The following OR56A4 variants were observed in gnomAD, a reference collection of about 807,000 sequenced individuals.
OR56A4 encodes olfactory receptor 56A4.
A neutral mutation model predicts 13.6 loss-of-function variants in OR56A4; 9 were observed. The observed-to-expected ratio is 0.66, with a 90% CI of 0.40 to 1.15. The LOEUF is 1.15. Among genes scored for constraint, OR56A4 ranks in the 50% most tolerant of loss-of-function variants. The pLI, the probability that OR56A4 is intolerant of heterozygous loss-of-function variation, is 0.01. For missense variants in OR56A4, 380 were observed against 375.9 expected (o/e 1.01, Z -0.09); for synonymous variants, 167 against 153.9 (o/e 1.08, Z -0.63).
chr11:6,001,775 G>T lies in OR56A4; in HGVS notation c.*276C>A. 2.9e-6 allele frequency: 1 copy of T among 347,608 alleles called. No homozygotes were observed. The highest frequency in any genetic ancestry group is 5.1e-6 in the Non-Finnish European group (1 of 194,348). 21.5% of individuals were successfully genotyped at this position (347,608 alleles called of 1,614,324 possible). ...CTTCCATTCTAATACAGCTCCATTT[G>T]TCAAAGTCTTGGCAAGATTCTTTGT... On this transcript the variant is annotated 3_prime_UTR_variant, in exon 3 of 3. Transcript: ENST00000641156.
chr11:6,004,229 G>A (rs942157028), intron 2 of OR56A4, among the ~76,000 whole-genome samples: 2 of 152,166 alleles, frequency 1.3e-5, no homozygotes, highest in Non-Finnish European at 2.9e-5. Flanking sequence ...GTGCATGCCT[G>A]TAATCCCAGC....
At chr11:6,005,075 A>G (rs1487952128) in intron 2 of OR56A4, among the ~76,000 whole-genome samples, 9 of 152,246 alleles carry the variant, frequency 5.9e-5, no homozygotes, top group African/African-American at 2.2e-4. Context: ...ACAAATGACA[A>G]TTCTGGCTCT....
At position 5,999,583 on chromosome 11, in the gene OR56A4, G is replaced by A. The variant is rs1260008346; in HGVS notation, c.*2468C>T. On this transcript the variant is annotated 3_prime_UTR_variant, in exon 3 of 3. Coordinates refer to ENST00000641156, the MANE Select transcript of OR56A4 (RefSeq NM_001005179.4). Reference sequence around the variant, plus strand: ...ATCCTAATGGTCTTCACTATATAAAGGTTCATTTTGTGCTGGCTAAAAATA... The same window carrying A: ...ATCCTAATGGTCTTCACTATATAAAAGTTCATTTTGTGCTGGCTAAAAATA... 1 of 152,032 alleles carries A rather than the reference G, an allele frequency of 6.6e-6. No homozygotes were observed. Among genetic ancestry groups the A allele is most frequent in the South Asian group, 2.1e-4 (1 of 4,818 alleles). The allele number at this position is 152,032 out of a possible 1,614,324, so 9.4% of individuals were successfully genotyped here.
rs779879633 is a variant in OR56A4 at position 6,002,368 on chromosome 11, G to C, written c.625C>G (p.Leu209Val). The C allele has an allele frequency of 4.3e-6, 7 of 1,614,178 alleles. No homozygotes were observed. The East Asian group carries it at 1.6e-4, about 36-fold the overall frequency. ...ATAAGGATAAGATCAGAGCCCAACA[G>C]AGTCCAGCCTGCCACAAACTGGTAG... ...QLYQFVAGWT[L>V]LGSDLILIVI... The change falls in exon 3 of 3, where the codon CTG becomes GTG. Residue 209 changes from leucine to valine, a missense_variant. Transcript: ENST00000641156.
intron 2 of OR56A4, among the ~76,000 whole-genome samples, chr11:6,004,278 TG>T (rs903174203): frequency 6.6e-5 from 10 of 151,852 alleles, no homozygotes; most frequent in Non-Finnish European, 8.8e-5. Flanking sequence ...GAACCAGACC[TG>T]GGGGGCGGAG....
rs773549192 is a variant in OR56A4, at chr11:6,002,394, A to G, written c.599T>C (p.Leu200Pro). 1.5e-5 allele frequency: 25 copies of G among 1,614,260 alleles called. No homozygotes were observed. In the South Asian group the frequency reaches 2.6e-4, roughly 17 times the overall value. The change falls in exon 3 of 3, where the codon CTC becomes CCC. Residue 200 changes from leucine to proline, a missense_variant. Physicochemically the swap from Leu to Pro is moderately conservative, Grantham distance 98 (BLOSUM62 -3). Transcript: ENST00000641156. The stretch of plus-strand genomic sequence containing the variant: ...AGTCCAGCCTGCCACAAACTGGTAG[A>G]GCTGATTGAAAGTGATGTCATCACA... ...LSCDDITFNQLYQFVAGWTLL... is the reference protein window; with the variant it reads ...LSCDDITFNQPYQFVAGWTLL...
In OR56A4 at chr11:6,002,090, C is replaced by G. The variant is rs539213705; in HGVS notation, c.903G>C (p.Glu301Asp). ...GCAGGTTTTGGATTCCCTGCTTGAT[C>G]TCCTTGGTTCTCACACCATAAACAA... ...NPIVYGVRTK[E>D]IKQGIQNLLK... The change falls in exon 3 of 3, where the codon GAG becomes GAC. Residue 301 changes from glutamate (E) to aspartate (D), a missense_variant. Coordinates refer to ENST00000641156, the MANE Select transcript of OR56A4 (RefSeq NM_001005179.4). 10 of 1,603,988 alleles carry G rather than the reference C, an allele frequency of 6.2e-6. No homozygotes were observed. In the African/African-American group the frequency reaches 6.7e-5, roughly 11 times the overall value.
At chr11:6,004,466 G>A (rs543253589) in intron 2 of OR56A4, among the ~76,000 whole-genome samples, 1 of 152,336 alleles carries the variant, frequency 6.6e-6, no homozygotes, top group South Asian at 2.1e-4. Context: ...GGATTGAGGT[G>A]TGCATGAGAA....
In OR56A4 at chr11:6,001,573, G is replaced by T. The variant is rs150659958; in HGVS notation, c.*478C>A. On this transcript the variant is annotated 3_prime_UTR_variant, in exon 3 of 3. Transcript: ENST00000641156. ...AGGGCAAGGCACTCAACCCCAAGTT[G>T]TTCCAGGGTGGACATCTGGACTTAA... The T allele has an allele frequency of 3.7e-3, 577 of 154,266 alleles. 1 individual carries two copies. The highest frequency in any genetic ancestry group is 6.3e-3 in the Non-Finnish European group (438 of 69,554). 9.6% of individuals were successfully genotyped at this position (154,266 alleles called of 1,614,324 possible).
Position 6,001,814 on chromosome 11 carries a change from A to G in OR56A4, c.*237T>C, listed in dbSNP as rs1848214686. The G allele has an allele frequency of 2.3e-6, 1 of 443,074 alleles. No individual in the cohort carries two copies. Among genetic ancestry groups the G allele is most frequent in the Non-Finnish European group, 3.9e-6 (1 of 254,944 alleles). 27.4% of individuals were successfully genotyped at this position (443,074 alleles called of 1,614,324 possible). ...AAGATTCTTTGTTGCAGATTAGATCAGGAAAAATTCCAAAGTAACCATAGA... is the reference window on the plus strand; with the variant it reads ...AAGATTCTTTGTTGCAGATTAGATCGGGAAAAATTCCAAAGTAACCATAGA... On this transcript the variant is annotated 3_prime_UTR_variant, in exon 3 of 3. Coordinates refer to ENST00000641156, the MANE Select transcript of OR56A4 (RefSeq NM_001005179.4).
At chr11:6,006,638 C>G (rs1371944876) in intron 1 of OR56A4, among the ~76,000 whole-genome samples, 1 of 152,148 alleles carries the variant, frequency 6.6e-6, no homozygotes, top group Admixed American at 6.5e-5. Flanking sequence ...AGGCACAGAG[C>G]CTTGACCTCA....
At chr11:6,003,107 C>A (rs1362183649) in intron 2 of OR56A4, 79 bp from the exon 3 acceptor site, 14 of 1,600,276 alleles carry the variant, frequency 8.7e-6, no homozygotes, top group Non-Finnish European at 1.0e-5. Flanking sequence ...CACTGAGGCC[C>A]TGTATCTGTC....
At chr11:6,005,790 C>T (rs1436455693) in intron 2 of OR56A4, among the ~76,000 whole-genome samples, 1 of 152,152 alleles carries the variant, frequency 6.6e-6, no homozygotes, top group Non-Finnish European at 1.5e-5. Context: ...CTCTTTTATA[C>T]AGGTATCAGT....
At chr11:6,003,537 C>T (rs1388504560) in intron 2 of OR56A4, among the ~76,000 whole-genome samples, 1 of 152,142 alleles carries the variant, frequency 6.6e-6, no homozygotes, top group Non-Finnish European at 1.5e-5. Context: ...CATTGCATTA[C>T]AGGGAGCACT....
At chr11:6,004,117 G>A (rs1183857592) in intron 2 of OR56A4, among the ~76,000 whole-genome samples, 1 of 152,100 alleles carries the variant, frequency 6.6e-6, no homozygotes, top group Admixed American at 6.6e-5. Flanking sequence ...GCTTTGGGAG[G>A]CCAAGGGAGG....
Position 6,002,275 on chromosome 11 carries a change from C to T in OR56A4, c.718G>A (p.Ala240Thr), listed in dbSNP as rs761799548. ...AAGTGGGAACCACACGTGCTCAAGG[C>T]CTTGGCCACAGCACCCTCGGCCTTG... is the stretch of plus-strand genomic sequence containing the variant. ...RIKAEGAVAK[A>T]LSTCGSHFIL... Residue 240 changes from alanine (A) to threonine (T), a missense_variant, in exon 3 of 3, where the codon GCC becomes ACC. Coordinates refer to ENST00000641156, the MANE Select transcript of OR56A4 (RefSeq NM_001005179.4). The T allele has an allele frequency of 2.5e-6, 4 of 1,614,036 alleles. No individual in the cohort carries two copies. The highest frequency in any genetic ancestry group is 1.7e-5 in the Admixed American group (1 of 60,014).
rs1341840455 is a variant in OR56A4 at position 6,002,013 on chromosome 11, A to ATT, written c.*36_*37dup. 1.3e-6 allele frequency: 2 copies of ATT among 1,496,494 alleles called. No homozygotes were observed. Among genetic ancestry groups the ATT allele is most frequent in the Admixed American group, 4.7e-5 (2 of 42,412 alleles). 92.7% of individuals were successfully genotyped at this position (1,496,494 alleles called of 1,614,324 possible). A position where few individuals can be genotyped will look rare whatever the true frequency, so the allele number is the denominator to read the frequency against. On this transcript the variant is annotated 3_prime_UTR_variant, in exon 3 of 3. Coordinates refer to ENST00000641156, the MANE Select transcript of OR56A4 (RefSeq NM_001005179.4). ...CCCTATTTCCCAATTTTCACTAACA[A>ATT]TTAACAACTCTAAAGGTGGATCTAA...
Position 6,002,146 on chromosome 11 carries a change from G to A in OR56A4, c.847C>T (p.His283Tyr), listed in dbSNP as rs1590470335. The A allele has an allele frequency of 5.6e-6, 9 of 1,614,184 alleles. No homozygotes were observed. The highest frequency in any genetic ancestry group is 4.5e-5 in the East Asian group (2 of 44,878). Residue 283 changes from histidine (H) to tyrosine (Y), a missense_variant, in exon 3 of 3, where the codon CAC (histidine) becomes TAC (tyrosine). Physicochemically the swap from His to Tyr is moderately conservative, Grantham distance 83 (BLOSUM62 2). Coordinates refer to ENST00000641156, the MANE Select transcript of OR56A4 (RefSeq NM_001005179.4). ...TTCAGAGCTGGGGGAATGAGGTGGT[G>A]CAGGATGTTGAGCAGGATGGGGACA... ...PDVPILLNIL[H>Y]HLIPPALNPI...
intron 2 of OR56A4, among the ~76,000 whole-genome samples, chr11:6,004,187 A>G (rs1848239527): frequency 1.3e-5 from 2 of 152,152 alleles, no homozygotes; most frequent in South Asian, 2.1e-4. Flanking sequence ...CCTCGTCTCT[A>G]TTAAAAATAC....
Sources: allele counts gnomAD v4.1 joint callset (sites outside exome capture counted in the v4.1 genomes callset), GRCh38; gene constraint gnomAD v4.1.1; transcripts MANE v1.5; gene names NCBI Gene and HGNC (gene_info 2026-07-23, HGNC 2026-07-21).